PHC3: variants seen among roughly 807,000 people sequenced by gnomAD.
PHC3 encodes the protein polyhomeotic-like protein 3.
In PHC3, 13 loss-of-function variants were observed where a neutral mutation model predicts 107.4. The observed-to-expected ratio is 0.12, with a 90% CI of 0.08 to 0.19. PHC3 has a LOEUF of 0.19. Ranked by LOEUF, PHC3 falls within the 10% of genes least tolerant of loss-of-function variation. The pLI is 1.00. For missense variants in PHC3, 992 were observed against 1,210.9 expected (o/e 0.82, Z 2.68); for synonymous variants, 456 against 427.4 (o/e 1.07, Z -0.83).
intron 8 of PHC3, among the ~76,000 whole-genome samples, chr3:170,126,528 A>ATATT (rs370421296): frequency 0.022 from 1,950 of 90,536 alleles, 30 homozygotes; most frequent in Non-Finnish European, 0.032. Flanking sequence ...ATATATATAT[A>ATATT]TTTTTTTTTT....
intron 4 of PHC3, among the ~76,000 whole-genome samples, chr3:170,157,709 T>C (rs1261961257): frequency 6.6e-6 from 1 of 152,164 alleles, no homozygotes; most frequent in Non-Finnish European, 1.5e-5. Flanking sequence ...ATCCCCTATA[T>C]AGTATAAATA....
Position 170,091,854 on chromosome 3 carries a change from T to G in PHC3, c.*5376A>C, listed in dbSNP as rs1364580147. On this transcript the variant is annotated 3_prime_UTR_variant, in exon 15 of 15. Transcript: ENST00000495893. ...AACTAATATGTAAAACTTTGAAAAT[T>G]CTTAAAAATTTAGGAAATTCTTTTT... 1 of 152,180 alleles carries G rather than the reference T, an allele frequency of 6.6e-6. No individual in the cohort carries two copies. Among genetic ancestry groups the G allele is most frequent in the Non-Finnish European group, 1.5e-5 (1 of 68,038 alleles). 9.4% of individuals were successfully genotyped at this position (152,180 alleles called of 1,614,324 possible). A position where few individuals can be genotyped will look rare whatever the true frequency, so the allele number is the denominator to read the frequency against.
At chr3:170,172,028 T>C (rs1729671227) in intron 3 of PHC3, among the ~76,000 whole-genome samples, 2 of 152,150 alleles carry the variant, frequency 1.3e-5, no homozygotes, top group African/African-American at 4.8e-5. Context: ...GTAGGAATAA[T>C]ATGATTGGAT....
At chr3:170,115,875 T>TCACACACA (rs1238887514) in intron 10 of PHC3, among the ~76,000 whole-genome samples, 3 of 88,556 alleles carry the variant, frequency 3.4e-5, no homozygotes, top group Admixed American at 2.5e-4. Flanking sequence ...AATCCAAGTT[T>TCACACACA]CTCACACACA....
In PHC3 at chr3:170,148,878, T is replaced by G. The variant is rs950630272; in HGVS notation, c.573+208A>C. On this transcript the variant is annotated intron_variant, in intron 5 of 14. Transcript: ENST00000495893. ...CTCTATTAGCTTCTCAATGTAATAA[T>G]TACTATTTGATACCAAGAAGACCTA... 4 of 478,576 alleles carry G rather than the reference T, an allele frequency of 8.4e-6. No individual in the cohort carries two copies. The Admixed American group carries it at 9.7e-5, about 12-fold the overall frequency. The allele number at this position is 478,576 out of a possible 1,614,324, so 29.6% of individuals were successfully genotyped here.
At chr3:170,175,623 G>GAAAA (rs1243372877) in intron 2 of PHC3, among the ~76,000 whole-genome samples, 1 of 109,804 alleles carries the variant, frequency 9.1e-6, no homozygotes, top group African/African-American at 3.5e-5. Flanking sequence ...AGGGAGAGAA[G>GAAAA]AAAAAAAAAA....
chr3:170,159,138 C>CAATA (rs1727414089), intron 4 of PHC3, among the ~76,000 whole-genome samples: 1 of 150,014 alleles, frequency 6.7e-6, no homozygotes, highest in Non-Finnish European at 1.5e-5. Context: ...GCAGTCCCAG[C>CAATA]TATTCAGGAG....
At chr3:170,165,472 G>C (rs930582913) in intron 4 of PHC3, among the ~76,000 whole-genome samples, 1 of 152,108 alleles carries the variant, frequency 6.6e-6, no homozygotes, top group African/African-American at 2.4e-5. Context: ...TATGATGAAG[G>C]CTGGGCACAG....
rs975913853 is a variant in PHC3 at position 170,092,854 on chromosome 3, G to C, written c.*4376C>G. ...CAAGCATGGAGACAGTGGGTATAGA[G>C]AGTGAAAGAATGAGTCTGATTACAG... On this transcript the variant is annotated 3_prime_UTR_variant, in exon 15 of 15. Transcript: ENST00000495893. 1 of 152,202 alleles carries C rather than the reference G, an allele frequency of 6.6e-6. No homozygotes were observed. Among genetic ancestry groups the C allele is most frequent in the Non-Finnish European group, 1.5e-5 (1 of 68,038 alleles). The allele number at this position is 152,202 out of a possible 1,614,324, so 9.4% of individuals were successfully genotyped here. A position where few individuals can be genotyped will look rare whatever the true frequency, so the allele number is the denominator to read the frequency against.
At chr3:170,144,266 A>T (rs1435367511) in intron 6 of PHC3, among the ~76,000 whole-genome samples, 1 of 151,646 alleles carries the variant, frequency 6.6e-6, no homozygotes, top group Non-Finnish European at 1.5e-5. Flanking sequence ...ACTTGAACAC[A>T]GGAGGTGGAG....
rs1285953780 is a variant in PHC3, at chr3:170,122,655, A to G, written c.1878T>C (p.Thr626=). ...VRMDRTPPPP[T]LSPAAITVGR... ...CCACTGTTATAGCTGCTGGAGACAA[A>G]GTGGGTGGTGGTGGGGTTCTATCCA... Residue 626 remains threonine (T), a synonymous_variant, in exon 9 of 15, where the codon ACT becomes ACC. Coordinates refer to ENST00000495893, the MANE Select transcript of PHC3 (RefSeq NM_024947.4). 1 of 1,613,918 alleles carries G rather than the reference A, an allele frequency of 6.2e-7. No homozygotes were observed. Among genetic ancestry groups the G allele is most frequent in the Admixed American group, 1.7e-5 (1 of 60,014 alleles).
intron 5 of PHC3, among the ~76,000 whole-genome samples, chr3:170,146,555 G>A (rs1315458522): frequency 2.0e-5 from 2 of 102,318 alleles, no homozygotes; most frequent in Admixed American, 1.2e-4. Flanking sequence ...TTTTTTTGGT[G>A]AGACAGAGTC....
chr3:170,126,741 A>G (rs1433743459), intron 8 of PHC3, among the ~76,000 whole-genome samples: 1 of 151,376 alleles, frequency 6.6e-6, no homozygotes, highest in African/African-American at 2.4e-5. Flanking sequence ...GAGTTTCTCT[A>G]TGTTGGCCAG....
intron 7 of PHC3, 22 bp downstream of exon 7, chr3:170,136,397 T>C: frequency 6.2e-7 from 1 of 1,611,990 alleles, no homozygotes; most frequent in Admixed American, 1.7e-5. Flanking sequence ...TACAACTATT[T>C]TCAACAAAAG....
intron 4 of PHC3, among the ~76,000 whole-genome samples, chr3:170,162,612 T>C (rs892808134): frequency 4.6e-5 from 7 of 152,208 alleles, no homozygotes; most frequent in African/African-American, 1.7e-4. Context: ...ATTGCCAATA[T>C]CTCTCCATTT....
intron 3 of PHC3, 52 bp from the exon 4 acceptor site, chr3:170,171,502 C>T (rs941502496): frequency 9.4e-6 from 12 of 1,277,058 alleles, no homozygotes; most frequent in Admixed American, 5.2e-5. Flanking sequence ...AAGTTAAGAA[C>T]TTTCTGGTAC....
At chr3:170,109,919 G>A (rs192068399) in intron 11 of PHC3, among the ~76,000 whole-genome samples, 68 of 152,120 alleles carry the variant, frequency 4.5e-4, no homozygotes, top group African/African-American at 1.2e-3. Flanking sequence ...AAACACTGAA[G>A]TACATAGTAA....
rs182027826 is a variant in PHC3 at position 170,162,131 on chromosome 3, T to C, written c.414+9242A>G. Among the ~76,000 whole-genome samples, 24 of 152,304 alleles carry C rather than the reference T, an allele frequency of 1.6e-4. No homozygotes were observed. The East Asian group carries it at 4.6e-3, about 29-fold the overall frequency. On this transcript the variant is annotated intron_variant, in intron 4 of 14. Transcript: ENST00000495893. ...GTCACATTAACAGTCAGTCACAGAATTTAAGATTAGAACCCCAGTCCCTCA... is the reference window on the plus strand; with the variant it reads ...GTCACATTAACAGTCAGTCACAGAACTTAAGATTAGAACCCCAGTCCCTCA...
chr3:170,146,906 G>T lies in PHC3; in HGVS notation c.574-1385C>A, dbSNP rs540074181. On this transcript the variant is annotated intron_variant, in intron 5 of 14. Transcript: ENST00000495893. ...TTTTTTTTTTTTTTTTTTTGAGACAGAGTTTCACTCTTGTTGCCCAGACTG... is the reference window on the plus strand; with the variant it reads ...TTTTTTTTTTTTTTTTTTTGAGACATAGTTTCACTCTTGTTGCCCAGACTG... Among the ~76,000 whole-genome samples the T allele has an allele frequency of 4.5e-4, 54 of 119,202 alleles. 2 individuals carry two copies. In the South Asian group the frequency reaches 0.014, roughly 30 times the overall value. The allele number at this position is 119,202 out of a possible 152,430, so 78.2% of individuals were successfully genotyped here.
Sources: allele counts gnomAD v4.1 joint callset (sites outside exome capture counted in the v4.1 genomes callset), GRCh38; gene constraint gnomAD v4.1.1; transcripts MANE v1.5; gene names NCBI Gene and HGNC (gene_info 2026-07-23, HGNC 2026-07-21).